The following ITPR1 variants were observed in gnomAD, a reference collection of about 807,000 sequenced individuals.
ITPR1 encodes the protein inositol 1,4,5-trisphosphate-gated calcium channel ITPR1.
In ITPR1, 96 loss-of-function variants were observed where a neutral mutation model predicts 318.4. The ratio of observed to expected loss-of-function variants is 0.30; its 90% CI spans 0.26 to 0.36. The LOEUF (loss-of-function observed/expected upper bound fraction) is 0.36, where lower values mean the gene tolerates loss of function less well. Ranked by LOEUF, ITPR1 falls within the 10% of genes least tolerant of loss-of-function variation. The pLI, the probability that ITPR1 is intolerant of heterozygous loss-of-function variation, is 1.00. For synonymous variants in ITPR1, 1,312 were observed against 1,289.9 expected, an observed-to-expected ratio of 1.02 and a Z score of -0.37; for missense variants, 2,440 against 3,460.2, an observed-to-expected ratio of 0.71 and a Z score of 7.40.
At chr3:4,624,530 A>G (rs538642952) in intron 4 of ITPR1, among the ~76,000 whole-genome samples, 3 of 152,064 alleles carry the variant, frequency 2.0e-5, no homozygotes, top group Admixed American at 6.6e-5. Flanking sequence ...TTAGCTGGGC[A>G]TGGTGGTGAG....
At chr3:4,589,583 C>G (rs1257532320) in intron 4 of ITPR1, among the ~76,000 whole-genome samples, 4 of 152,064 alleles carry the variant, frequency 2.6e-5, no homozygotes, top group African/African-American at 9.7e-5. Context: ...AGTAGTGGAT[C>G]TCCTTGTTTC....
intron 61 of ITPR1, among the ~76,000 whole-genome samples, chr3:4,839,501 T>C (rs1414957355): frequency 6.6e-6 from 1 of 152,216 alleles, no homozygotes; most frequent in African/African-American, 2.4e-5. Context: ...TGTTTTTATT[T>C]GCTTTGTTAT....
intron 12 of ITPR1, among the ~76,000 whole-genome samples, chr3:4,655,608 G>A (rs2093688713): frequency 6.6e-6 from 1 of 152,174 alleles, no homozygotes; most frequent in Admixed American, 6.5e-5. Flanking sequence ...GTTAGGGTGG[G>A]TTTTAGGATC....
intron 44 of ITPR1, among the ~76,000 whole-genome samples, chr3:4,740,162 A>G (rs577580944): frequency 6.8e-4 from 103 of 152,052 alleles, no homozygotes; most frequent in Non-Finnish European, 1.2e-3. Flanking sequence ...GTTGGGGACC[A>G]CCTTTGGGGA....
intron 15 of ITPR1, 111 bp from the exon 16 acceptor site, chr3:4,662,954 T>C (rs1303433638): frequency 2.4e-6 from 2 of 829,262 alleles, no homozygotes; most frequent in Non-Finnish European, 3.9e-6. Flanking sequence ...TTGGAAAGTG[T>C]GGGTCTGCCC....
intron 4 of ITPR1, among the ~76,000 whole-genome samples, chr3:4,622,517 G>C (rs568883157): frequency 6.6e-6 from 1 of 151,048 alleles, no homozygotes; most frequent in Admixed American, 6.6e-5. Context: ...TCCGCCTCCC[G>C]GGTTCAAGTG....
intron 51 of ITPR1, among the ~76,000 whole-genome samples, chr3:4,785,410 G>T (rs963291455): frequency 3.3e-5 from 5 of 152,352 alleles, no homozygotes; most frequent in African/African-American, 1.2e-4. Flanking sequence ...TTGAAACAAA[G>T]ATTTTAAAGA....
intron 47 of ITPR1, 146 bp from the exon 48 acceptor site, chr3:4,777,118 T>C: frequency 3.8e-6 from 2 of 521,502 alleles, no homozygotes; most frequent in South Asian, 6.3e-5. Context: ...TTCTTACCAC[T>C]TTCTCACGGA....
At chr3:4,836,392 T>G (rs1383624201) in intron 60 of ITPR1, among the ~76,000 whole-genome samples, 2 of 152,176 alleles carry the variant, frequency 1.3e-5, no homozygotes, top group African/African-American at 4.8e-5. Flanking sequence ...TTAAAATGGT[T>G]ACAATGGTAA....
chr3:4,763,817 G>A (rs1356428926), intron 44 of ITPR1, among the ~76,000 whole-genome samples: 1 of 152,230 alleles, frequency 6.6e-6, no homozygotes, highest in South Asian at 2.1e-4. Flanking sequence ...TGGGTCACCC[G>A]ATTGGCCGTC....
At chr3:4,682,904 T>C (rs1359665484) in intron 26 of ITPR1, among the ~76,000 whole-genome samples, 2 of 152,164 alleles carry the variant, frequency 1.3e-5, no homozygotes, top group Non-Finnish European at 1.5e-5. Flanking sequence ...AATATTTAAA[T>C]ATAGTCAGGC....
At chr3:4,696,750 G>T (rs568479638) in intron 33 of ITPR1, among the ~76,000 whole-genome samples, 1 of 143,022 alleles carries the variant, frequency 7.0e-6, no homozygotes, top group African/African-American at 2.6e-5. Context: ...CCTTTTCTCT[G>T]GGGGTATCTA....
At chr3:4,510,472 G>C (rs1380798828) in intron 2 of ITPR1, among the ~76,000 whole-genome samples, 1 of 152,238 alleles carries the variant, frequency 6.6e-6, no homozygotes, top group South Asian at 2.1e-4. Flanking sequence ...CTGAGACTCA[G>C]GTTAGCAGGG....
At chr3:4,743,227 C>G (rs2043834472) in intron 44 of ITPR1, among the ~76,000 whole-genome samples, 1 of 152,238 alleles carries the variant, frequency 6.6e-6, no homozygotes, top group South Asian at 2.1e-4. Context: ...CACCTCACAC[C>G]CTTCTTCACC....
intron 4 of ITPR1, among the ~76,000 whole-genome samples, chr3:4,531,094 C>T (rs2083378301): frequency 6.6e-6 from 1 of 152,048 alleles, no homozygotes; most frequent in African/African-American, 2.4e-5. Flanking sequence ...CAGTTGGGCA[C>T]CCTGAACCCA....
intron 2 of ITPR1, among the ~76,000 whole-genome samples, chr3:4,515,234 G>A (rs895731907): frequency 6.6e-6 from 1 of 152,192 alleles, no homozygotes; most frequent in Non-Finnish European, 1.5e-5. Context: ...AAGGTGGTAG[G>A]TTGCTTCCTG....
intron 40 of ITPR1, among the ~76,000 whole-genome samples, chr3:4,721,037 G>A (rs927794286): frequency 6.6e-6 from 1 of 151,446 alleles, no homozygotes; most frequent in Non-Finnish European, 1.5e-5. Context: ...GCTGTTTACT[G>A]TTAGACACTG....
At chr3:4,674,652 T>C (rs570977934) in intron 22 of ITPR1, among the ~76,000 whole-genome samples, 21 of 152,336 alleles carry the variant, frequency 1.4e-4, no homozygotes, top group African/African-American at 5.0e-4. Flanking sequence ...CATAGCTTAA[T>C]CATTTGCAGA....
intron 2 of ITPR1, among the ~76,000 whole-genome samples, chr3:4,503,431 G>A (rs2081175806): frequency 6.6e-6 from 1 of 152,050 alleles, no homozygotes; most frequent in African/African-American, 2.4e-5. Context: ...TACCTGCTTC[G>A]GGTCATTGCT....
Sources: gnomAD v4.1 joint callset for allele counts (sites outside exome capture counted in the v4.1 genomes callset) on GRCh38, gnomAD v4.1.1 for gene constraint, MANE v1.5 for transcripts, NCBI Gene and HGNC (gene_info 2026-07-23, HGNC 2026-07-21) for gene names.